The following DENND1A variants were observed in gnomAD, a reference collection of about 807,000 sequenced individuals.
DENND1A encodes the protein DENN domain-containing protein 1A.
A neutral mutation model predicts 113.7 loss-of-function variants in DENND1A; 51 were observed. The observed-to-expected ratio is 0.45, with a 90% CI of 0.36 to 0.57. The LOEUF (loss-of-function observed/expected upper bound fraction) is 0.57, where lower values mean the gene tolerates loss of function less well. DENND1A is among the 20% of genes least tolerant of loss of function. The pLI, the probability that DENND1A is intolerant of heterozygous loss-of-function variation, is 0.00. For missense variants in DENND1A, 1,258 were observed against 1,395.9 expected (o/e 0.90, Z 1.57); for synonymous variants, 565 against 570.8 (o/e 0.99, Z 0.14).
chr9:123,839,136 C>G (rs1275878544), intron 2 of DENND1A, among the ~76,000 whole-genome samples: 1 of 152,118 alleles, frequency 6.6e-6, no homozygotes, highest in Non-Finnish European at 1.5e-5. Context: ...CGGTGGGAAG[C>G]CAAGCTTGAA....
At chr9:123,700,359 T>C (rs1345088972) in intron 5 of DENND1A, among the ~76,000 whole-genome samples, 1 of 152,166 alleles carries the variant, frequency 6.6e-6, no homozygotes. Context: ...TCAGTAACAG[T>C]CCTCCAGAGA....
intron 10 of DENND1A, among the ~76,000 whole-genome samples, chr9:123,614,276 A>G (rs948252484): frequency 6.6e-6 from 1 of 152,166 alleles, no homozygotes; most frequent in Non-Finnish European, 1.5e-5. Context: ...CTCAGTACTT[A>G]AGCTGAAAGG....
At chr9:123,451,394 A>G (rs777879699) in intron 17 of DENND1A, among the ~76,000 whole-genome samples, 8 of 152,230 alleles carry the variant, frequency 5.3e-5, no homozygotes, top group Admixed American at 2.6e-4. Flanking sequence ...CAAGCAAGAG[A>G]AGTCACAAGA....
chr9:123,593,799 C>G (rs886682691), intron 11 of DENND1A, among the ~76,000 whole-genome samples: 2 of 152,096 alleles, frequency 1.3e-5, no homozygotes, highest in African/African-American at 2.4e-5. Flanking sequence ...GTGTTCCCAC[C>G]CAGATCTCAC....
chr9:123,695,706 A>G (rs1386438779), intron 5 of DENND1A, among the ~76,000 whole-genome samples: 3 of 152,208 alleles, frequency 2.0e-5, no homozygotes, highest in African/African-American at 7.2e-5. Flanking sequence ...GATTAATGCT[A>G]TGAGAGAAGT....
intron 2 of DENND1A, among the ~76,000 whole-genome samples, chr9:123,818,517 TATACACACAC>T (rs55704904): frequency 0.016 from 2,014 of 123,064 alleles, 50 homozygotes; most frequent in African/African-American, 0.057. Flanking sequence ...TATACATACA[TATACACACAC>T]ACACACACAC....
intron 13 of DENND1A, among the ~76,000 whole-genome samples, chr9:123,508,630 T>C (rs2053178460): frequency 6.6e-6 from 1 of 152,222 alleles, no homozygotes; most frequent in Non-Finnish European, 1.5e-5. Context: ...AATGCTTGTT[T>C]TAAAAGTTAT....
At chr9:123,925,366 C>T (rs1276166447) in intron 1 of DENND1A, among the ~76,000 whole-genome samples, 1 of 152,146 alleles carries the variant, frequency 6.6e-6, no homozygotes, top group African/African-American at 2.4e-5. Flanking sequence ...CCTTTCCTGA[C>T]CCTCCCTCCT....
chr9:123,506,348 C>A lies in DENND1A; in HGVS notation c.994-48451G>T, dbSNP rs530854490. Among the ~76,000 whole-genome samples the A allele has an allele frequency of 6.6e-5, 10 of 152,184 alleles. No individual in the cohort carries two copies. The South Asian group carries it at 1.7e-3, about 25-fold the overall frequency. On this transcript the variant is annotated intron_variant, in intron 13 of 23. Coordinates refer to ENST00000394215, the MANE Select transcript of DENND1A (RefSeq NM_001352964.2). ...CCTGTAATCCCAGAACTTTGGGTGG[C>A]CGAAGTGGGCGGATCACTAGGTCAA...
chr9:123,710,920 G>C (rs1008095003), intron 5 of DENND1A, among the ~76,000 whole-genome samples: 2 of 152,028 alleles, frequency 1.3e-5, no homozygotes, highest in Non-Finnish European at 2.9e-5. Flanking sequence ...TGATCCACCT[G>C]CCTCGGCCTC....
At chr9:123,672,055 A>G (rs2063791537) in intron 6 of DENND1A, among the ~76,000 whole-genome samples, 1 of 152,228 alleles carries the variant, frequency 6.6e-6, no homozygotes, top group South Asian at 2.1e-4. Flanking sequence ...GTATATTTGT[A>G]TCTATTCACC....
chr9:123,744,864 C>T (rs1317967901), intron 5 of DENND1A, among the ~76,000 whole-genome samples: 1 of 151,306 alleles, frequency 6.6e-6, no homozygotes, highest in Non-Finnish European at 1.5e-5. Context: ...CAACCTCCGC[C>T]TCCCAGGTTC....
intron 5 of DENND1A, among the ~76,000 whole-genome samples, chr9:123,705,188 C>G (rs1275359202): frequency 6.6e-6 from 1 of 151,878 alleles, no homozygotes; most frequent in African/African-American, 2.4e-5. Context: ...GTAAATAAAA[C>G]AAGAGCAAAA....
intron 2 of DENND1A, among the ~76,000 whole-genome samples, chr9:123,802,923 A>G (rs1834941594): frequency 6.6e-6 from 1 of 151,950 alleles, no homozygotes; most frequent in Non-Finnish European, 1.5e-5. Flanking sequence ...GCTGGTCTCT[A>G]ACTCCCAACC....
In DENND1A at chr9:123,414,605, G is replaced by A. The variant is rs182182391; in HGVS notation, c.1489-2776C>T. The A allele has an allele frequency of 5.2e-6, 8 of 1,550,338 alleles. No individual in the cohort carries two copies. In the Admixed American group the frequency reaches 1.6e-4, roughly 30 times the overall value. ...TCACAACGCCTGTTAGCATAGCAAA[G>A]GCTGGTGAGTCTTGCAAGAAAAAAA... On this transcript the variant is annotated intron_variant, in intron 19 of 23. Coordinates refer to ENST00000394215, the MANE Select transcript of DENND1A (RefSeq NM_001352964.2).
Position 123,667,012 on chromosome 9 carries a change from T to C in DENND1A, c.507+14A>G. The C allele has an allele frequency of 6.3e-7, 1 of 1,577,682 alleles. No individual in the cohort carries two copies. Among genetic ancestry groups the C allele is most frequent in the Non-Finnish European group, 8.6e-7 (1 of 1,169,014 alleles). On this transcript the variant is annotated intron_variant, in intron 8 of 23. Transcript: ENST00000394215. ...GAATAAAAATTTAATTTTTTCTTCT[T>C]CCCAAGTACTTACATTCTCAGGTAT...
intron 8 of DENND1A, among the ~76,000 whole-genome samples, chr9:123,658,589 A>C (rs1212593159): frequency 6.6e-6 from 1 of 152,218 alleles, no homozygotes; most frequent in African/African-American, 2.4e-5. Flanking sequence ...TCTGAAAGGG[A>C]AAAGAATTAA....
chr9:123,750,333 A>C (rs1197194891), intron 5 of DENND1A, among the ~76,000 whole-genome samples: 1 of 152,242 alleles, frequency 6.6e-6, no homozygotes, highest in Non-Finnish European at 1.5e-5. Flanking sequence ...TAAAACATGC[A>C]ACATTCCCCA....
chr9:123,595,921 G>A (rs888925991), intron 11 of DENND1A, among the ~76,000 whole-genome samples: 2 of 152,104 alleles, frequency 1.3e-5, no homozygotes, highest in African/African-American at 4.8e-5. Context: ...CATCCAGAAC[G>A]GAGTGGGGAG....
Sources: allele counts gnomAD v4.1 joint callset (sites outside exome capture counted in the v4.1 genomes callset), GRCh38; gene constraint gnomAD v4.1.1; transcripts MANE v1.5; gene names NCBI Gene and HGNC (gene_info 2026-07-23, HGNC 2026-07-21).